Variants in FGFRL1 observed in about 807,000 individuals in gnomAD.
FGFRL1 encodes the protein fibroblast growth factor receptor like 1.
FGFRL1 carries 24 observed loss-of-function variants against 36.8 expected under a neutral mutation model. The observed-to-expected ratio is 0.65, with a 90% CI of 0.47 to 0.92. The LOEUF (loss-of-function observed/expected upper bound fraction) is 0.92, where lower values mean the gene tolerates loss of function less well. Among genes scored for constraint, FGFRL1 ranks in the 40% least tolerant of loss-of-function variants. The pLI, the probability that FGFRL1 is intolerant of heterozygous loss-of-function variation, is 0.00. For synonymous variants in FGFRL1, 422 were observed against 344.1 expected (o/e 1.23, Z -2.50); for missense variants, 785 against 753.4 (o/e 1.04, Z -0.49).
chr4:1,010,563 A>T (rs77488513), upstream of FGFRL1, among the ~76,000 whole-genome samples: 2,258 of 152,320 alleles, frequency 0.015, 51 homozygotes, highest in African/African-American at 0.049. Flanking sequence ...AGGGGGCTTC[A>T]GGCCCCAGAA....
intron 2 of FGFRL1, among the ~76,000 whole-genome samples, chr4:1,015,730 G>A (rs989473596): frequency 6.6e-6 from 1 of 152,232 alleles, no homozygotes; most frequent in African/African-American, 2.4e-5. Context: ...CTTGTGTGTG[G>A]CGTGGGGCCC....
chr4:1,018,847 C>T (rs1322193849), intron 2 of FGFRL1, among the ~76,000 whole-genome samples: 1 of 150,768 alleles, frequency 6.6e-6, no homozygotes, highest in Non-Finnish European at 1.5e-5. Context: ...GGCCCTCCTG[C>T]GGGGGGTCTT....
chr4:1,012,586 G>C (rs1490763005), intron 2 of FGFRL1, 22 bp downstream of exon 2: 4 of 1,156,426 alleles, frequency 3.5e-6, no homozygotes, highest in Non-Finnish European at 4.7e-6. Context: ...CGCCCAGCCC[G>C]GCCAGCCTGG....
chr4:1,013,610 G>A (rs903818934), intron 2 of FGFRL1, among the ~76,000 whole-genome samples: 2 of 152,272 alleles, frequency 1.3e-5, no homozygotes, highest in African/African-American at 2.4e-5. Context: ...GGCTGTGTGG[G>A]CACTCAGGCC....
chr4:1,019,501 G>A (rs1454774391), intron 2 of FGFRL1, among the ~76,000 whole-genome samples: 1 of 152,220 alleles, frequency 6.6e-6, no homozygotes, highest in African/African-American at 2.4e-5. Flanking sequence ...TTCAGGCAGC[G>A]ACAGGTGCTG....
At position 1,011,947 on chromosome 4, in the gene FGFRL1, C is replaced by T. The variant is rs1250075047; in HGVS notation, c.-24C>T. 1 of 145,908 alleles carries T rather than the reference C, an allele frequency of 6.9e-6. No individual in the cohort carries two copies. Among genetic ancestry groups the T allele is most frequent in the Non-Finnish European group, 1.5e-5 (1 of 65,722 alleles). 9.0% of individuals were successfully genotyped at this position (145,908 alleles called of 1,614,324 possible). On this transcript the variant is annotated 5_prime_UTR_variant, in exon 1 of 7. Coordinates refer to ENST00000510644, the MANE Select transcript of FGFRL1 (RefSeq NM_001004356.3). ...CCCCGCCGCCCGCCCGCTGAGCCCCCCGCCGAGGTGAGCCCCCCGCGCGCG... is the reference window on the plus strand; with the variant it reads ...CCCCGCCGCCCGCCCGCTGAGCCCCTCGCCGAGGTGAGCCCCCCGCGCGCG...
intron 2 of FGFRL1, among the ~76,000 whole-genome samples, chr4:1,017,191 T>C (rs1715932575): frequency 6.6e-6 from 1 of 152,150 alleles, no homozygotes; most frequent in Admixed American, 6.5e-5. Context: ...GGCCAGGTCC[T>C]GGGTCAGGCC....
intron 1 of FGFRL1, chr4:1,012,258 G>C (rs919633569): frequency 4.0e-6 from 2 of 505,714 alleles, no homozygotes; most frequent in African/African-American, 2.1e-5. Flanking sequence ...TTTGGAGAGG[G>C]GGGGCGGCGG....
intron 5 of FGFRL1, 91 bp downstream of exon 5, chr4:1,024,192 G>A: frequency 8.1e-7 from 1 of 1,229,282 alleles, no homozygotes; most frequent in South Asian, 1.8e-5. Context: ...GGCGCTGGTG[G>A]GCGGGGGCAC....
At chr4:1,012,817 C>G (rs1191738909) in intron 2 of FGFRL1, among the ~76,000 whole-genome samples, 1 of 152,258 alleles carries the variant, frequency 6.6e-6, no homozygotes, top group African/African-American at 2.4e-5. Context: ...TTAGTCCTGG[C>G]TCCCCAGGAC....
rs4647940 is a variant in FGFRL1, at chr4:1,026,603, C to G, written c.*1256C>G. Reference sequence around the variant, plus strand: ...GCCCATGGCTAGTGGCTCATCCCCACTGCATTCTCCCCCTGACACAGAGAA... The same window carrying G: ...GCCCATGGCTAGTGGCTCATCCCCAGTGCATTCTCCCCCTGACACAGAGAA... On this transcript the variant is annotated 3_prime_UTR_variant, in exon 7 of 7. Transcript: ENST00000510644. The G allele has an allele frequency of 0.14, 35,141 of 259,074 alleles. 2,637 individuals are homozygous for G. The highest frequency in any genetic ancestry group is 0.2 in the Middle Eastern group (139 of 686). The allele number at this position is 259,074 out of a possible 1,614,324, so 16.0% of individuals were successfully genotyped here. A position where few individuals can be genotyped will look rare whatever the true frequency, so the allele number is the denominator to read the frequency against.
chr4:1,015,037 G>A (rs561850627), intron 2 of FGFRL1, among the ~76,000 whole-genome samples: 1 of 152,284 alleles, frequency 6.6e-6, no homozygotes, highest in Admixed American at 6.5e-5. Context: ...TTCCCCAGTC[G>A]TGGCCTCCAG....
chr4:1,018,075 A>G (rs1042277170), intron 2 of FGFRL1, among the ~76,000 whole-genome samples: 1 of 152,094 alleles, frequency 6.6e-6, no homozygotes, highest in Non-Finnish European at 1.5e-5. Context: ...GGCACTTCAG[A>G]TGGGGCAGGT....
At chr4:1,020,129 C>T (rs552273690) in intron 2 of FGFRL1, among the ~76,000 whole-genome samples, 8 of 152,336 alleles carry the variant, frequency 5.3e-5, no homozygotes, top group Non-Finnish European at 8.8e-5. Flanking sequence ...TGTCTGAAGA[C>T]GCCAGTGGGA....
intron 2 of FGFRL1, among the ~76,000 whole-genome samples, chr4:1,021,037 T>G (rs922002595): frequency 8.9e-4 from 7 of 7,908 alleles, no homozygotes; most frequent in Admixed American, 4.0e-3. Context: ...AGGGGCGGGG[T>G]GGGGACCCAG....
chr4:1,024,561 G>A lies in FGFRL1; in HGVS notation c.969G>A (p.Leu323=), dbSNP rs756715366. ...CCGACGGCTCCTACCTCAATAAGCT[G>A]CTCATCACCCGTGCCCGCCAGGACG... ...SRPDGSYLNK[L]LITRARQDDA... The change falls in exon 6 of 7, where the codon CTG becomes CTA. Residue 323 remains leucine (L), a synonymous_variant. Transcript: ENST00000510644. 1.2e-6 allele frequency: 2 copies of A among 1,612,478 alleles called. No individual in the cohort carries two copies. The highest frequency in any genetic ancestry group is 4.5e-5 in the East Asian group (2 of 44,880).
chr4:1,022,445 C>G lies in FGFRL1; in HGVS notation c.322C>G (p.Leu108Val). 6.2e-7 allele frequency: 1 copy of G among 1,609,018 alleles called. No individual in the cohort carries two copies. The highest frequency in any genetic ancestry group is 8.5e-7 in the Non-Finnish European group (1 of 1,177,730). Residue 108 changes from leucine to valine, a missense_variant, in exon 3 of 7, where the codon CTG (leucine) becomes GTG (valine). By Grantham distance (32) the Leu-to-Val change is conservative. Coordinates refer to ENST00000510644, the MANE Select transcript of FGFRL1 (RefSeq NM_001004356.3). Reference protein sequence around the residue: ...VCKATNGFGSLSVNYTLVVLD... With the variant: ...VCKATNGFGSVSVNYTLVVLD... ...CAAGGCCACCAACGGCTTCGGCAGC[C>G]TGAGCGTCAACTACACCCTCGTCGT...
At chr4:1,024,710 CG>C in intron 6 of FGFRL1, 46 bp downstream of exon 6, 1 of 1,534,552 alleles carries the variant, frequency 6.5e-7, no homozygotes. Context: ...TGCCCGGACC[CG>C]CCCCCTGGGC....
Position 1,017,221 on chromosome 4 carries a change from A to G in FGFRL1, c.79+4657A>G, listed in dbSNP as rs1715934585. Among the ~76,000 whole-genome samples the G allele has an allele frequency of 2.6e-5, 4 of 152,050 alleles. No individual in the cohort carries two copies. The South Asian group carries it at 8.3e-4, about 31-fold the overall frequency. On this transcript the variant is annotated intron_variant, in intron 2 of 6. Transcript: ENST00000510644. ...CAGGCCAGAGAATTCCTCCAGCTGG[A>G]AACTTTGGGCCATGCAGGGCCCCCC... is the stretch of plus-strand genomic sequence containing the variant.
Sources: gnomAD v4.1 joint callset for allele counts (sites outside exome capture counted in the v4.1 genomes callset) on GRCh38, gnomAD v4.1.1 for gene constraint, MANE v1.5 for transcripts, NCBI Gene and HGNC (gene_info 2026-07-23, HGNC 2026-07-21) for gene names.